Variants in KCNMB2 observed in about 807,000 individuals in gnomAD.
The protein encoded by KCNMB2 is calcium-activated potassium channel subunit beta-2.
KCNMB2 carries 9 observed loss-of-function variants against 24.5 expected under a neutral mutation model. The observed-to-expected ratio is 0.37, with a 90% CI of 0.22 to 0.64. The LOEUF is 0.64. KCNMB2 is among the 30% of genes least tolerant of loss of function. The probability of loss-of-function intolerance (pLI) is 0.63; values close to 1 mark genes in which losing one functional copy is unlikely to be tolerated. For synonymous variants in KCNMB2, 109 were observed against 104.4 expected (o/e 1.04, Z -0.27); for missense variants, 226 against 284.3 (o/e 0.79, Z 1.47).
At chr3:178,806,705 A>C (rs1269846372) in intron 1 of KCNMB2, among the ~76,000 whole-genome samples, 1 of 151,244 alleles carries the variant, frequency 6.6e-6, no homozygotes, top group East Asian at 1.9e-4. Flanking sequence ...AATAATAATA[A>C]TAATAATAAT....
chr3:178,815,710 T>C (rs2108459363), intron 2 of KCNMB2, among the ~76,000 whole-genome samples: 1 of 152,166 alleles, frequency 6.6e-6, no homozygotes, highest in East Asian at 1.9e-4. Context: ...TCCTATCTTT[T>C]CAATTTGATA....
At chr3:178,669,352 ATTAACCT>A in intron 1 of KCNMB2, among the ~76,000 whole-genome samples, 1 of 152,252 alleles carries the variant, frequency 6.6e-6, no homozygotes, top group Middle Eastern at 3.4e-3. Flanking sequence ...AGTGAAAATA[ATTAACCT>A]TCAAAAAAAA....
At position 178,842,600 on chromosome 3, in the gene KCNMB2, A is replaced by G. The variant is rs1049272226; in HGVS notation, c.424-53A>G. Reference sequence around the variant, plus strand: ...GACACAATACTCCACCCCCTCCTAGAGTCTCAAACACACATAGTATCTTCT... The same window carrying G: ...GACACAATACTCCACCCCCTCCTAGGGTCTCAAACACACATAGTATCTTCT... On this transcript the variant is annotated intron_variant, in intron 4 of 4. Transcript: ENST00000452583. The G allele has an allele frequency of 5.4e-5, 65 of 1,205,376 alleles. No homozygotes were observed. In the African/African-American group the frequency reaches 9.1e-4, roughly 17 times the overall value. 74.7% of individuals were successfully genotyped at this position (1,205,376 alleles called of 1,614,324 possible).
At chr3:178,725,132 C>A (rs906587924) in intron 1 of KCNMB2, among the ~76,000 whole-genome samples, 3 of 152,162 alleles carry the variant, frequency 2.0e-5, no homozygotes, top group Non-Finnish European at 4.4e-5. Flanking sequence ...AATATTGATT[C>A]TTCCAACCCA....
chr3:178,842,852 C>T lies in KCNMB2; in HGVS notation c.623C>T (p.Ala208Val). ...HSLFWPTCMM[A>V]GGVAIVAMVK... ...CTCTTCTGGCCAACCTGTATGATGG[C>T]TGGGGGTGTGGCAATTGTTGCCATG... The change falls in exon 5 of 5, where the codon GCT (alanine) becomes GTT (valine). Residue 208 changes from alanine (A) to valine (V), a missense_variant. Physicochemically the swap from Ala to Val is moderately conservative, Grantham distance 64. Coordinates refer to ENST00000452583, the MANE Select transcript of KCNMB2 (RefSeq NM_181361.3). The T allele has an allele frequency of 6.2e-7, 1 of 1,613,880 alleles. No homozygotes were observed. Among genetic ancestry groups the T allele is most frequent in the Admixed American group, 1.7e-5 (1 of 60,002 alleles).
intron 2 of KCNMB2, among the ~76,000 whole-genome samples, chr3:178,811,591 T>A (rs932216982): frequency 1.3e-5 from 2 of 152,222 alleles, no homozygotes; most frequent in Admixed American, 1.3e-4. Flanking sequence ...ATGAACATAC[T>A]ACCATTTATT....
chr3:178,701,541 A>C (rs1722095992), intron 1 of KCNMB2, among the ~76,000 whole-genome samples: 1 of 152,128 alleles, frequency 6.6e-6, no homozygotes, highest in African/African-American at 2.4e-5. Flanking sequence ...TAATATCCAG[A>C]ATCTACAAAG....
chr3:178,819,973 G>C (rs1408409746), intron 2 of KCNMB2, among the ~76,000 whole-genome samples: 3 of 152,106 alleles, frequency 2.0e-5, no homozygotes, highest in African/African-American at 7.2e-5. Flanking sequence ...AGAAAACTTA[G>C]CTTTTAAAAA....
intron 1 of KCNMB2, among the ~76,000 whole-genome samples, chr3:178,657,883 G>A (rs1350650096): frequency 1.3e-5 from 2 of 152,146 alleles, no homozygotes; most frequent in Non-Finnish European, 2.9e-5. Flanking sequence ...CTAATCCAGT[G>A]CCACAAAAAC....
rs754198963 is a variant in KCNMB2, at chr3:178,825,759, G to T, written c.227+1G>T. 1 of 1,602,406 alleles carries T rather than the reference G, an allele frequency of 6.2e-7. No homozygotes were observed. The highest frequency in any genetic ancestry group is 8.5e-7 in the Non-Finnish European group (1 of 1,170,644). ...CACTCCTGCGCTCATACATGCAGAG[G>T]TAATACCACTGGGTGGGTGGGACCC... On this transcript the variant is annotated splice_donor_variant, in intron 3 of 4. Transcript: ENST00000452583. LOFTEE classifies it high-confidence loss of function.
intron 1 of KCNMB2, among the ~76,000 whole-genome samples, chr3:178,633,387 C>T (rs1457937527): frequency 6.6e-6 from 1 of 152,230 alleles, no homozygotes; most frequent in Admixed American, 6.5e-5. Context: ...CCTATAAACC[C>T]TCTGAAATCT....
intron 2 of KCNMB2, among the ~76,000 whole-genome samples, chr3:178,807,972 T>C (rs1434714198): frequency 6.6e-6 from 1 of 151,994 alleles, no homozygotes; most frequent in Non-Finnish European, 1.5e-5. Context: ...TTCAGTTTCT[T>C]CTTCTGAAGT....
intron 1 of KCNMB2, among the ~76,000 whole-genome samples, chr3:178,683,383 G>A (rs1337224876): frequency 6.6e-6 from 1 of 151,734 alleles, no homozygotes; most frequent in Non-Finnish European, 1.5e-5. Context: ...ACTATGCTCA[G>A]TACCTATGTG....
At chr3:178,742,110 G>A (rs545633901) in intron 1 of KCNMB2, among the ~76,000 whole-genome samples, 4 of 152,308 alleles carry the variant, frequency 2.6e-5, no homozygotes, top group Non-Finnish European at 4.4e-5. Flanking sequence ...AGCATTGAAA[G>A]TCATAGAACA....
At chr3:178,741,719 C>A (rs1723502691) in intron 1 of KCNMB2, among the ~76,000 whole-genome samples, 1 of 152,200 alleles carries the variant, frequency 6.6e-6, no homozygotes, top group South Asian at 2.1e-4. Flanking sequence ...TCAGACTTAT[C>A]CTCCTCATGT....
intron 1 of KCNMB2, among the ~76,000 whole-genome samples, chr3:178,589,416 A>G (rs1211999427): frequency 6.6e-6 from 1 of 152,198 alleles, no homozygotes; most frequent in East Asian, 1.9e-4. Context: ...AGCAGATCAC[A>G]GGGACTCACA....
chr3:178,718,726 C>A (rs114738584), intron 1 of KCNMB2, among the ~76,000 whole-genome samples: 5 of 152,162 alleles, frequency 3.3e-5, no homozygotes, highest in African/African-American at 1.2e-4. Flanking sequence ...TTCCACTGCC[C>A]CACACCTTCT....
At chr3:178,613,764 G>C (rs924641839) in intron 1 of KCNMB2, among the ~76,000 whole-genome samples, 1 of 151,946 alleles carries the variant, frequency 6.6e-6, no homozygotes, top group Admixed American at 6.6e-5. Context: ...CTTTATCCTT[G>C]ACCTTTAAAG....
At chr3:178,684,268 C>T (rs1225277065) in intron 1 of KCNMB2, among the ~76,000 whole-genome samples, 1 of 142,070 alleles carries the variant, frequency 7.0e-6, no homozygotes, top group Non-Finnish European at 1.5e-5. Flanking sequence ...TGCATAATCT[C>T]AGTTATATGT....
Sources: gnomAD v4.1 joint callset for allele counts (sites outside exome capture counted in the v4.1 genomes callset) on GRCh38, gnomAD v4.1.1 for gene constraint, MANE v1.5 for transcripts, NCBI Gene and HGNC (gene_info 2026-07-23, HGNC 2026-07-21) for gene names.